Variants in MSTO1 observed in about 807,000 individuals in gnomAD.
MSTO1 encodes the protein misato mitochondrial distribution and morphology regulator 1.
A neutral mutation model predicts 55.7 loss-of-function variants in MSTO1; 24 were observed. The observed-to-expected ratio is 0.43, with a 90% CI of 0.31 to 0.61. The LOEUF (loss-of-function observed/expected upper bound fraction) is 0.61. Among genes scored for constraint, MSTO1 ranks in the 20% least tolerant of loss-of-function variants. The probability of loss-of-function intolerance (pLI) is 0.09; values close to 1 mark genes in which losing one functional copy is unlikely to be tolerated. For missense variants in MSTO1, 363 were observed against 625.7 expected (o/e 0.58, Z 4.48); for synonymous variants, 162 against 252.8 (o/e 0.64, Z 3.41).
At chr1:155,593,468 C>T in the MSTO1 span, among the ~76,000 whole-genome samples, 1 of 152,192 alleles carries the variant, frequency 6.6e-6, no homozygotes, top group Non-Finnish European at 1.5e-5. Context: ...TTCTGGTTCA[C>T]CATCTACTAA....
chr1:155,586,217 T>C, the MSTO1 span, among the ~76,000 whole-genome samples: 1 of 150,514 alleles, frequency 6.6e-6, no homozygotes, highest in Non-Finnish European at 1.5e-5. Flanking sequence ...TTTTTTTTTT[T>C]TTTTTGTTAG....
intron 9 of MSTO1, 99 bp downstream of exon 9, chr1:155,612,669 G>A (rs1301404397): frequency 8.9e-6 from 13 of 1,466,416 alleles, no homozygotes; most frequent in South Asian, 2.6e-5. Flanking sequence ...CTTGAGGCCC[G>A]AGCTTGAACT....
the MSTO1 span, among the ~76,000 whole-genome samples, chr1:155,568,582 A>G: frequency 6.6e-6 from 1 of 150,554 alleles, no homozygotes; most frequent in Non-Finnish European, 1.5e-5. Context: ...GGGATTACAG[A>G]TGCTCGCCAC....
At chr1:155,590,225 C>T in the MSTO1 span, among the ~76,000 whole-genome samples, 7 of 152,014 alleles carry the variant, frequency 4.6e-5, no homozygotes, top group Non-Finnish European at 7.4e-5. Context: ...AGCTGTCCAG[C>T]GACATCTAGG....
the MSTO1 span, among the ~76,000 whole-genome samples, chr1:155,578,332 C>CTTTT: frequency 5.2e-5 from 2 of 38,280 alleles, no homozygotes; most frequent in African/African-American, 6.8e-5. Flanking sequence ...CCATAACTAC[C>CTTTT]TTTCTTTTTT....
chr1:155,582,572 C>T, the MSTO1 span, among the ~76,000 whole-genome samples: 1 of 142,282 alleles, frequency 7.0e-6, no homozygotes, highest in Non-Finnish European at 1.5e-5. Context: ...CAATTCTCTG[C>T]CTCAGCCTCC....
At chr1:155,594,295 G>A in the MSTO1 span, among the ~76,000 whole-genome samples, 2 of 151,926 alleles carry the variant, frequency 1.3e-5, no homozygotes, top group Non-Finnish European at 2.9e-5. Context: ...CCAGCTACTT[G>A]GAGGTTGAGG....
the MSTO1 span, among the ~76,000 whole-genome samples, chr1:155,604,578 G>T: frequency 1.3e-5 from 2 of 152,126 alleles, no homozygotes; most frequent in Non-Finnish European, 2.9e-5. Flanking sequence ...AATTTTGTAC[G>T]TTGAAAATAC....
At chr1:155,609,237 ATATATATTTT>A (rs1353570386), upstream of MSTO1, among the ~76,000 whole-genome samples, 4 of 49,124 alleles carry the variant, frequency 8.1e-5, no homozygotes, top group African/African-American at 1.9e-4. Flanking sequence ...ATATATATAT[ATATATATTTT>A]TTTTTTTTTT....
At chr1:155,605,646 A>C (rs1250668497), upstream of MSTO1, among the ~76,000 whole-genome samples, 1 of 152,168 alleles carries the variant, frequency 6.6e-6, no homozygotes, top group Non-Finnish European at 1.5e-5. Context: ...AAAAAGGTTT[A>C]AAATCATGTA....
chr1:155,589,020 G>A, the MSTO1 span, among the ~76,000 whole-genome samples: 5 of 152,142 alleles, frequency 3.3e-5, no homozygotes, highest in African/African-American at 7.2e-5. Flanking sequence ...CCTCTCGGCC[G>A]GGCACGGTAG....
chr1:155,605,175 CA>C, the MSTO1 span, among the ~76,000 whole-genome samples: 3,091 of 152,060 alleles, frequency 0.02, 104 homozygotes, highest in African/African-American at 0.071. Flanking sequence ...GCAAGAGAGT[CA>C]CTTGAACCTG....
chr1:155,567,926 A>G, the MSTO1 span, among the ~76,000 whole-genome samples: 1 of 151,418 alleles, frequency 6.6e-6, no homozygotes, highest in African/African-American at 2.4e-5. Flanking sequence ...AATCCCACCT[A>G]CTTTGGGAGG....
At chr1:155,595,025 C>T in the MSTO1 span, among the ~76,000 whole-genome samples, 1 of 151,522 alleles carries the variant, frequency 6.6e-6, no homozygotes, top group Non-Finnish European at 1.5e-5. Flanking sequence ...GTAATACCAG[C>T]TACTTGGGAG....
At chr1:155,598,736 AC>A in the MSTO1 span, 3 of 587,460 alleles carry the variant, frequency 5.1e-6, no homozygotes, top group African/African-American at 3.8e-5. Context: ...AGCAAGAACA[AC>A]AAAAAAAACA....
the MSTO1 span, among the ~76,000 whole-genome samples, chr1:155,577,368 G>T: frequency 6.6e-6 from 1 of 152,058 alleles, no homozygotes; most frequent in African/African-American, 2.4e-5. Context: ...GATTACAGGC[G>T]TGAGCCACCA....
the MSTO1 span, among the ~76,000 whole-genome samples, chr1:155,580,081 G>GAA: frequency 4.8e-5 from 4 of 82,732 alleles, no homozygotes; most frequent in Admixed American, 1.3e-4. Context: ...ATCTCAAAAA[G>GAA]AAAAAAAAAA....
the MSTO1 span, among the ~76,000 whole-genome samples, chr1:155,578,753 G>T: frequency 1.4e-5 from 2 of 147,010 alleles, no homozygotes; most frequent in Non-Finnish European, 3.0e-5. Context: ...CTTGTGATCC[G>T]CCCGCCTCGG....
the MSTO1 span, among the ~76,000 whole-genome samples, chr1:155,571,577 T>C: frequency 6.6e-6 from 1 of 152,100 alleles, no homozygotes; most frequent in Non-Finnish European, 1.5e-5. Flanking sequence ...ACCTTAGAGC[T>C]TGGAGAAGTT....
Sources: gnomAD v4.1 joint callset for allele counts (sites outside exome capture counted in the v4.1 genomes callset) on GRCh38, gnomAD v4.1.1 for gene constraint, MANE v1.5 for transcripts, NCBI Gene and HGNC (gene_info 2026-07-23, HGNC 2026-07-21) for gene names.